The following GOT1 variants were observed in gnomAD, a reference collection of about 807,000 sequenced individuals.
The protein encoded by GOT1 is aspartate aminotransferase, cytoplasmic.
In GOT1, 25 loss-of-function variants were observed where a neutral mutation model predicts 48.2. The observed-to-expected ratio is 0.52, with a 90% CI of 0.38 to 0.72. The LOEUF is 0.72. Ranked by LOEUF, GOT1 falls within the 30% of genes least tolerant of loss-of-function variation. The probability of loss-of-function intolerance (pLI) is 0.00; values close to 1 mark genes in which losing one functional copy is unlikely to be tolerated. For synonymous variants in GOT1, 188 were observed against 193.8 expected (o/e 0.97, Z 0.25); for missense variants, 380 against 520.1 (o/e 0.73, Z 2.62).
At chr10:99,410,539 C>G (rs960615765) in intron 2 of GOT1, among the ~76,000 whole-genome samples, 2 of 152,162 alleles carry the variant, frequency 1.3e-5, no homozygotes, top group Non-Finnish European at 2.9e-5. Flanking sequence ...TAAACCCACT[C>G]CACATTAACT....
At position 99,402,648 on chromosome 10, in the gene GOT1, A is replaced by G. The variant is rs1211061819; in HGVS notation, c.1034T>C (p.Leu345Pro). The G allele has an allele frequency of 2.5e-6, 4 of 1,614,068 alleles. No homozygotes were observed. Residue 345 changes from leucine (L) to proline (P), a missense_variant, in exon 8 of 9, where the codon CTC becomes CCC. Coordinates refer to ENST00000370508, the MANE Select transcript of GOT1 (RefSeq NM_002079.3). Reference sequence around the variant, plus strand: ...GTGGTTCCAGGTCCCAGGGGTTTTGAGGGCTTCTAGTCGTGCCCTGAGTTC... The same window carrying G: ...GTGGTTCCAGGTCCCAGGGGTTTTGGGGGCTTCTAGTCGTGCCCTGAGTTC... ...RSELRARLEALKTPGTWNHIT... is the reference protein window; with the variant it reads ...RSELRARLEAPKTPGTWNHIT...
intron 1 of GOT1, among the ~76,000 whole-genome samples, chr10:99,422,468 G>T (rs116875976): frequency 6.6e-6 from 1 of 151,702 alleles, no homozygotes; most frequent in Non-Finnish European, 1.5e-5. Context: ...ATTTTTGATG[G>T]GCATATTCTT....
At chr10:99,411,328 G>A (rs568419376) in intron 2 of GOT1, among the ~76,000 whole-genome samples, 6 of 152,322 alleles carry the variant, frequency 3.9e-5, no homozygotes, top group Admixed American at 3.3e-4. Context: ...TGGATCCTAA[G>A]ATCTGAAAGT....
intron 1 of GOT1, among the ~76,000 whole-genome samples, chr10:99,426,189 G>A (rs2033035982): frequency 6.6e-6 from 1 of 152,148 alleles, no homozygotes; most frequent in Non-Finnish European, 1.5e-5. Flanking sequence ...CTGGGACCAT[G>A]TCAGGGGCCT....
intron 2 of GOT1, among the ~76,000 whole-genome samples, chr10:99,416,576 G>A (rs1237125146): frequency 6.6e-6 from 1 of 152,152 alleles, no homozygotes; most frequent in Non-Finnish European, 1.5e-5. Flanking sequence ...TTTCTTCACG[G>A]AATTGGGAAA....
At position 99,406,170 on chromosome 10, in the gene GOT1, T is replaced by C; in HGVS notation, c.504A>G (p.Gly168=). Residue 168 remains glycine (G), a synonymous_variant, in exon 4 of 9, where the codon GGA becomes GGG. Coordinates refer to ENST00000370508, the MANE Select transcript of GOT1 (RefSeq NM_002079.3). The stretch of plus-strand genomic sequence containing the variant: ...CATTCAGGAAGCCCTGGAGGTCCAA[T>C]CCTCTCTTCTCTGCATCCCAGTAGC... ...SYRYWDAEKR[G]LDLQGFLNDL... is the part of the protein sequence containing the mutation. 1.2e-6 allele frequency: 2 copies of C among 1,613,294 alleles called. No individual in the cohort carries two copies. Among genetic ancestry groups the C allele is most frequent in the Middle Eastern group, 1.7e-4 (1 of 6,060 alleles).
intron 4 of GOT1, 80 bp from the exon 5 acceptor site, chr10:99,405,940 T>C (rs1414568870): frequency 3.4e-6 from 3 of 886,252 alleles, no homozygotes; most frequent in Non-Finnish European, 5.8e-6. Context: ...TGGTCAGTGA[T>C]GGAGGGCAAA....
At chr10:99,424,061 T>C (rs2134109699) in intron 1 of GOT1, among the ~76,000 whole-genome samples, 1 of 152,338 alleles carries the variant, frequency 6.6e-6, no homozygotes, top group African/African-American at 2.4e-5. Flanking sequence ...GTCTGGCTTC[T>C]CTAAAGATGT....
chr10:99,415,190 G>T (rs376086390), intron 2 of GOT1, among the ~76,000 whole-genome samples: 6 of 151,338 alleles, frequency 4.0e-5, no homozygotes, highest in African/African-American at 1.5e-4. Context: ...TTGATAGACC[G>T]CTAGCAAGAC....
rs1326587469 is a variant in GOT1, at chr10:99,418,355, A to G, written c.300+2269T>C. 3.9e-5 allele frequency among the ~76,000 whole-genome samples: 6 copies of G among 152,194 alleles called. No individual in the cohort carries two copies. The East Asian group carries it at 1.2e-3, about 29-fold the overall frequency. On this transcript the variant is annotated intron_variant, in intron 2 of 8. Coordinates refer to ENST00000370508, the MANE Select transcript of GOT1 (RefSeq NM_002079.3). ...GGAACAGCATCTGCCCAACATAGTTAACAACTATATAAGAAATGCAGTATT... is the reference window on the plus strand; with the variant it reads ...GGAACAGCATCTGCCCAACATAGTTGACAACTATATAAGAAATGCAGTATT...
rs1175305845 is a variant in GOT1, at chr10:99,420,710, G to T, written c.214C>A (p.Leu72Met). ...AACTCAGCCAGGCCCAGGATTGGCA[G>T]ATACTCGTGATTTAGGCTATTGTCA... The part of the protein sequence containing the change: ...ANDNSLNHEY[L>M]PILGLAEFRS... Residue 72 changes from leucine to methionine, a missense_variant, in exon 2 of 9, where the codon CTG (leucine) becomes ATG (methionine). By Grantham distance (15) the Leu-to-Met change is conservative. Coordinates refer to ENST00000370508, the MANE Select transcript of GOT1 (RefSeq NM_002079.3). 1.2e-6 allele frequency: 2 copies of T among 1,614,034 alleles called. No individual in the cohort carries two copies. The highest frequency in any genetic ancestry group is 1.7e-6 in the Non-Finnish European group (2 of 1,179,882).
chr10:99,408,671 A>C (rs1394864130), intron 2 of GOT1, among the ~76,000 whole-genome samples: 1 of 152,142 alleles, frequency 6.6e-6, no homozygotes, highest in Non-Finnish European at 1.5e-5. Context: ...GTGAGCCAAG[A>C]TCGCACCACT....
intron 3 of GOT1, among the ~76,000 whole-genome samples, chr10:99,406,481 C>A (rs2032756591): frequency 6.6e-6 from 1 of 151,298 alleles, no homozygotes; most frequent in Admixed American, 6.6e-5. Flanking sequence ...ACATTCTATG[C>A]CTCCTCTGGG....
chr10:99,398,939 C>T (rs1476843955), intron 8 of GOT1, among the ~76,000 whole-genome samples: 1 of 152,152 alleles, frequency 6.6e-6, no homozygotes, highest in East Asian at 1.9e-4. Flanking sequence ...GGCAGGATTT[C>T]AAGTCTGGGC....
At chr10:99,404,042 A>G (rs2032721182) in intron 5 of GOT1, among the ~76,000 whole-genome samples, 168 bp from the exon 6 acceptor site, 1 of 152,124 alleles carries the variant, frequency 6.6e-6, no homozygotes, top group Admixed American at 6.5e-5. Context: ...TTCTCTCTAC[A>G]ACCAACAAGT....
At chr10:99,401,999 G>A (rs192401844) in intron 8 of GOT1, among the ~76,000 whole-genome samples, 5,106 of 151,872 alleles carry the variant, frequency 0.034, 296 homozygotes, top group African/African-American at 0.12. Flanking sequence ...TAATAGACAC[G>A]GGGTTTCACC....
In GOT1 at chr10:99,403,540, C is replaced by A. The variant is rs542246172; in HGVS notation, c.888G>T (p.Trp296Cys). Residue 296 changes from tryptophan (W) to cysteine (C), a missense_variant, in exon 7 of 9, where the codon TGG (tryptophan) becomes TGT (cysteine). Coordinates refer to ENST00000370508, the MANE Select transcript of GOT1 (RefSeq NM_002079.3). ...SQMEKIVRIT[W>C]SNPPAQGARI... Reference sequence around the variant, plus strand: ...GTGCTCCCTGGGCGGGGGGATTGGACCAAGTAATCCGCACGATCTTCTCCA... The same window carrying A: ...GTGCTCCCTGGGCGGGGGGATTGGAACAAGTAATCCGCACGATCTTCTCCA... 13 of 1,614,104 alleles carry A rather than the reference C, an allele frequency of 8.1e-6. No homozygotes were observed. The highest frequency in any genetic ancestry group is 1.7e-5 in the Admixed American group (1 of 60,006).
intron 2 of GOT1, among the ~76,000 whole-genome samples, chr10:99,409,163 C>T (rs921704388): frequency 1.3e-5 from 2 of 151,424 alleles, no homozygotes; most frequent in South Asian, 2.1e-4. Flanking sequence ...GACAGAGTCT[C>T]GCTCTGTTGC....
intron 8 of GOT1, among the ~76,000 whole-genome samples, chr10:99,399,745 C>T (rs543018451): frequency 6.6e-6 from 1 of 152,268 alleles, no homozygotes; most frequent in Admixed American, 6.5e-5. Context: ...CGCACTCCAG[C>T]CTGGGCAACA....
Sources: gnomAD v4.1 joint callset for allele counts (sites outside exome capture counted in the v4.1 genomes callset) on GRCh38, gnomAD v4.1.1 for gene constraint, MANE v1.5 for transcripts, NCBI Gene and HGNC (gene_info 2026-07-23, HGNC 2026-07-21) for gene names.